Variants in TRIM37 observed in about 807,000 individuals in gnomAD.
TRIM37 encodes the protein tripartite motif containing 37.
In TRIM37, 80 loss-of-function variants were observed where a neutral mutation model predicts 129.8. That is an observed-to-expected ratio of 0.62 (90% CI 0.51 to 0.74). The LOEUF (loss-of-function observed/expected upper bound fraction) is 0.74, where lower values mean the gene tolerates loss of function less well. Ranked by LOEUF, TRIM37 falls within the 30% of genes least tolerant of loss-of-function variation. The pLI, the probability that TRIM37 is intolerant of heterozygous loss-of-function variation, is 0.00. For missense variants in TRIM37, 1,054 were observed against 1,176.5 expected (o/e 0.90, Z 1.52); for synonymous variants, 389 against 387.1 (o/e 1.00, Z -0.06).
At chr17:59,018,173 G>C (rs1229613112) in intron 19 of TRIM37, among the ~76,000 whole-genome samples, 1 of 151,886 alleles carries the variant, frequency 6.6e-6, no homozygotes. Flanking sequence ...GAATTAATTA[G>C]GGAAAAAAGG....
Position 59,106,877 on chromosome 17 carries a change from C to T in TRIM37, c.-416G>A, listed in dbSNP as rs2046053275. On this transcript the variant is annotated 5_prime_UTR_variant, in exon 1 of 24. Coordinates refer to ENST00000262294, the MANE Select transcript of TRIM37 (RefSeq NM_015294.6). The stretch of plus-strand genomic sequence containing the variant: ...GCTGGGGGCGCGGCGGCGAGAGAAG[C>T]TGCGAAGCGCATGCGCGCAGGACGC... 2 of 317,772 alleles carry T rather than the reference C, an allele frequency of 6.3e-6. No individual in the cohort carries two copies. Among genetic ancestry groups the T allele is most frequent in the East Asian group, 1.6e-4 (2 of 12,482 alleles). 19.7% of individuals were successfully genotyped at this position (317,772 alleles called of 1,614,324 possible). A position where few individuals can be genotyped will look rare whatever the true frequency, so the allele number is the denominator to read the frequency against.
chr17:58,999,501 A>C, intron 23 of TRIM37, 42 bp from the exon 24 acceptor site: 5 of 1,497,680 alleles, frequency 3.3e-6, no homozygotes, highest in Non-Finnish European at 3.7e-6. Context: ...ATTTAAAAGC[A>C]TATAACAAGG....
At chr17:59,047,548 T>C (rs995690130) in intron 16 of TRIM37, 135 bp downstream of exon 16, 1 of 878,786 alleles carries the variant, frequency 1.1e-6, no homozygotes, top group Non-Finnish European at 1.8e-6. Flanking sequence ...GCCCAGAGAT[T>C]AGAGAGAGAA....
At chr17:59,058,355 G>A (rs2041162442) in intron 12 of TRIM37, among the ~76,000 whole-genome samples, 1 of 152,134 alleles carries the variant, frequency 6.6e-6, no homozygotes, top group South Asian at 2.1e-4. Flanking sequence ...CACAAAGAAG[G>A]AAACAACAGA....
chr17:59,075,529 A>T, intron 8 of TRIM37, 118 bp downstream of exon 8: 1 of 701,224 alleles, frequency 1.4e-6, no homozygotes, highest in Non-Finnish European at 2.3e-6. Context: ...GCGCCACTGC[A>T]CTCCAGCCTG....
chr17:59,012,256 A>ACCC (rs138045218), intron 22 of TRIM37, 72 bp downstream of exon 22: 12 of 770,118 alleles, frequency 1.6e-5, no homozygotes, highest in African/African-American at 4.4e-5. Flanking sequence ...CACCACCACC[A>ACCC]CCCACCACCC....
chr17:58,982,721 C>T, exon 25 of TRIM37: 1 of 518,524 alleles, frequency 1.9e-6, no homozygotes, highest in Non-Finnish European at 3.4e-6. Flanking sequence ...TTTGTTTTCT[C>T]TTGATTTTGA....
chr17:59,004,338 T>C (rs1365988323), intron 22 of TRIM37, among the ~76,000 whole-genome samples: 2 of 932 alleles, frequency 2.1e-3, no homozygotes, highest in Non-Finnish European at 4.5e-3. Flanking sequence ...AGGAAAGGTA[T>C]GACATTATTT....
At chr17:59,077,820 A>G (rs2042942837) in intron 7 of TRIM37, among the ~76,000 whole-genome samples, 2 of 149,850 alleles carry the variant, frequency 1.3e-5, no homozygotes, top group Non-Finnish European at 3.0e-5. Flanking sequence ...AAAAAAAAAA[A>G]AAAAAAAAAA....
intron 16 of TRIM37, 142 bp downstream of exon 16, chr17:59,047,541 C>G (rs897333225): frequency 2.4e-6 from 2 of 820,220 alleles, no homozygotes; most frequent in Non-Finnish European, 3.8e-6. Context: ...GCTAAGAGCC[C>G]AGAGATTAGA....
At chr17:59,088,837 A>T (rs1022142554) in intron 3 of TRIM37, among the ~76,000 whole-genome samples, 3 of 151,670 alleles carry the variant, frequency 2.0e-5, no homozygotes, top group African/African-American at 7.3e-5. Flanking sequence ...AATAAAAAAT[A>T]AAAAAAAAGA....
rs2040078241 is a variant in TRIM37 at position 59,048,928 on chromosome 17, T to C, written c.1530+250A>G. 2.0e-5 allele frequency among the ~76,000 whole-genome samples: 3 copies of C among 152,348 alleles called. No homozygotes were observed. The South Asian group carries it at 6.2e-4, about 32-fold the overall frequency. On this transcript the variant is annotated intron_variant, in intron 15 of 23. Coordinates refer to ENST00000262294, the MANE Select transcript of TRIM37 (RefSeq NM_015294.6). ...CATTTTTAAAATCCACAATGTATGG[T>C]AGTTTAGGTTTTAAAATGTGTATCA...
intron 5 of TRIM37, among the ~76,000 whole-genome samples, chr17:59,081,940 AAAAAAAAAAAAAT>A (rs1464418130): frequency 4.5e-4 from 40 of 89,612 alleles, no homozygotes; most frequent in African/African-American, 1.9e-3. Flanking sequence ...TAAAAACCAA[AAAAAAAAAAAAAT>A]AAAAAAAAAA....
At chr17:59,034,941 A>G (rs1328767529) in intron 17 of TRIM37, among the ~76,000 whole-genome samples, 2 of 152,156 alleles carry the variant, frequency 1.3e-5, no homozygotes, top group East Asian at 1.9e-4. Context: ...CCTGTTTTGT[A>G]TTTGTATAAA....
Position 58,998,611 on chromosome 17 carries a change from C to A in TRIM37, c.*766G>T. 3 of 985,262 alleles carry A rather than the reference C, an allele frequency of 3.0e-6. No individual in the cohort carries two copies. The highest frequency in any genetic ancestry group is 3.6e-6 in the Non-Finnish European group (3 of 829,894). 61.0% of individuals were successfully genotyped at this position (985,262 alleles called of 1,614,324 possible). A position where few individuals can be genotyped will look rare whatever the true frequency, so the allele number is the denominator to read the frequency against. ...AATGAAAATAAAGAAGAAAAGGGGG[C>A]TTTAAAATATTTGTTGCACTACAGT... On this transcript the variant is annotated 3_prime_UTR_variant, in exon 24 of 24. Transcript: ENST00000262294.
At chr17:58,985,519 T>G (rs1394711397) in intron 24 of TRIM37, among the ~76,000 whole-genome samples, 1 of 152,202 alleles carries the variant, frequency 6.6e-6, no homozygotes, top group African/African-American at 2.4e-5. Flanking sequence ...CTAACCAAGC[T>G]TTCCCCTTTC....
chr17:59,061,819 C>G (rs2041519800), intron 11 of TRIM37, among the ~76,000 whole-genome samples: 1 of 152,058 alleles, frequency 6.6e-6, no homozygotes, highest in African/African-American at 2.4e-5. Flanking sequence ...TCTCCAGTGT[C>G]TACTGGGATA....
At chr17:59,007,058 T>A (rs1002307047) in intron 22 of TRIM37, among the ~76,000 whole-genome samples, 1 of 151,882 alleles carries the variant, frequency 6.6e-6, no homozygotes, top group Non-Finnish European at 1.5e-5. Context: ...CTGACTCTGA[T>A]GTCTAGAACT....
chr17:59,067,595 A>G (rs1044797470), intron 9 of TRIM37, among the ~76,000 whole-genome samples: 2 of 152,186 alleles, frequency 1.3e-5, no homozygotes, highest in Admixed American at 1.3e-4. Context: ...CTGAAACATA[A>G]AACTCTCTAT....
Sources: allele counts gnomAD v4.1 joint callset (sites outside exome capture counted in the v4.1 genomes callset), GRCh38; gene constraint gnomAD v4.1.1; transcripts MANE v1.5; gene names NCBI Gene and HGNC (gene_info 2026-07-23, HGNC 2026-07-21).